IST1: variants seen among roughly 807,000 people sequenced by gnomAD.
IST1 encodes IST1 factor associated with ESCRT-III, also known as IST1 homolog.
A neutral mutation model predicts 37.0 loss-of-function variants in IST1; 23 were observed. The ratio of observed to expected loss-of-function variants is 0.62; its 90% confidence interval spans 0.45 to 0.88. IST1 has a LOEUF of 0.88. IST1 is among the 40% of genes least tolerant of loss of function. The pLI is 0.00. For synonymous variants in IST1, 180 were observed against 161.7 expected (o/e 1.11, Z -0.86); for missense variants, 488 against 445.4 (o/e 1.10, Z -0.86).
chr16:71,901,791 TCTA>T (rs1371021128), intron 1 of IST1, among the ~76,000 whole-genome samples: 2 of 152,238 alleles, frequency 1.3e-5, no homozygotes, highest in African/African-American at 4.8e-5. Context: ...AATTAAATTT[TCTA>T]CTAATTAACA....
Position 71,917,037 on chromosome 16 carries a change from C to G in IST1, c.270-10C>G, listed in dbSNP as rs746671131. Reference sequence around the variant, plus strand: ...TAAAGAATGTTATATTAATTTTTTTCCTTGATTAGGGAACTAGATTCTGGT... The same window carrying G: ...TAAAGAATGTTATATTAATTTTTTTGCTTGATTAGGGAACTAGATTCTGGT... On this transcript the variant is annotated splice_polypyrimidine_tract_variant and intron_variant, in intron 3 of 9. Coordinates refer to ENST00000378799, the MANE Select transcript of IST1 (RefSeq NM_001270975.2). The G allele has an allele frequency of 5.7e-6, 9 of 1,571,966 alleles. No homozygotes were observed. The South Asian group carries it at 5.8e-5, about 10-fold the overall frequency.
chr16:71,926,758 A>G (rs953901613), intron 9 of IST1, among the ~76,000 whole-genome samples: 8 of 152,164 alleles, frequency 5.3e-5, no homozygotes, highest in African/African-American at 1.9e-4. Context: ...CCTTCCCTCC[A>G]GAGTCAGAGC....
rs1044912824 is a variant in IST1 at position 71,921,802 on chromosome 16, A to C, written c.552+349A>C. The C allele has an allele frequency of 1.3e-5, 3 of 235,000 alleles. No individual in the cohort carries two copies. The Admixed American group carries it at 1.5e-4, about 12-fold the overall frequency. 14.6% of individuals were successfully genotyped at this position (235,000 alleles called of 1,614,324 possible). On this transcript the variant is annotated intron_variant, in intron 6 of 9. Coordinates refer to ENST00000378799, the MANE Select transcript of IST1 (RefSeq NM_001270975.2). ...TTATTGGGTACCCACCATGTGTCTG[A>C]TAGTGCACAGAAAGCTGAGGATACA...
At chr16:71,921,770 G>A (rs577907526) in intron 6 of IST1, 14 of 271,360 alleles carry the variant, frequency 5.2e-5, no homozygotes, top group Admixed American at 3.8e-4. Flanking sequence ...AACAGTTCCC[G>A]AAACATTTAT....
intron 1 of IST1, among the ~76,000 whole-genome samples, chr16:71,898,020 A>C (rs2037014797): frequency 6.6e-6 from 1 of 152,204 alleles, no homozygotes; most frequent in African/African-American, 2.4e-5. Context: ...GTAACAAGAT[A>C]CGATGAGAAG....
At chr16:71,915,840 G>GT (rs951421555) in intron 2 of IST1, 112 bp downstream of exon 2, 59 of 655,818 alleles carry the variant, frequency 9.0e-5, no homozygotes, top group Non-Finnish European at 1.4e-4. Flanking sequence ...TTTTTTTGTT[G>GT]TTTTTGTTGA....
Position 71,928,353 on chromosome 16 carries a change from G to T in IST1, c.*540G>T, listed in dbSNP as rs1260070546. ...CCATTGTAACGGTTCCTGGAAGCTG[G>T]GCCCTCTCATTGGCATATACAGTAC... On this transcript the variant is annotated 3_prime_UTR_variant, in exon 10 of 10. Coordinates refer to ENST00000378799, the MANE Select transcript of IST1 (RefSeq NM_001270975.2). 1.2e-5 allele frequency: 2 copies of T among 165,584 alleles called. No individual in the cohort carries two copies. The highest frequency in any genetic ancestry group is 5.9e-5 in the Admixed American group (1 of 17,012). The allele number at this position is 165,584 out of a possible 1,614,324, so 10.3% of individuals were successfully genotyped here. A position where few individuals can be genotyped will look rare whatever the true frequency, so the allele number is the denominator to read the frequency against.
chr16:71,920,117 A>C (rs563899844), intron 4 of IST1, among the ~76,000 whole-genome samples: 2 of 152,322 alleles, frequency 1.3e-5, no homozygotes, highest in Non-Finnish European at 2.9e-5. Context: ...AAAAGTTTTT[A>C]AAATAGATAT....
chr16:71,926,939 CTT>C (rs2037758309), intron 9 of IST1, among the ~76,000 whole-genome samples: 1 of 152,004 alleles, frequency 6.6e-6, no homozygotes, highest in Non-Finnish European at 1.5e-5. Flanking sequence ...TTTAAAAAAA[CTT>C]TGCCCCCAAT....
At chr16:71,906,157 C>G (rs764916421) in intron 1 of IST1, among the ~76,000 whole-genome samples, 5 of 151,942 alleles carry the variant, frequency 3.3e-5, no homozygotes, top group Non-Finnish European at 7.4e-5. Context: ...GCGAGTGCCA[C>G]TGCGCCCAGC....
At chr16:71,916,045 GGTC>G (rs1235236141) in intron 2 of IST1, among the ~76,000 whole-genome samples, 1 of 152,032 alleles carries the variant, frequency 6.6e-6, no homozygotes, top group Non-Finnish European at 1.5e-5. Context: ...TGGCCAGGCT[GGTC>G]TTGCACTCAT....
At chr16:71,916,404 T>C in intron 2 of IST1, 58 bp from the exon 3 acceptor site, 1 of 1,560,138 alleles carries the variant, frequency 6.4e-7, no homozygotes, top group Non-Finnish European at 8.8e-7. Flanking sequence ...GAGATTGGCC[T>C]GTAGGCCAGA....
intron 1 of IST1, among the ~76,000 whole-genome samples, chr16:71,902,478 C>A (rs2037129917): frequency 6.6e-6 from 1 of 152,188 alleles, no homozygotes; most frequent in Non-Finnish European, 1.5e-5. Flanking sequence ...CCATGTTGGC[C>A]AACCTGGTTT....
intron 1 of IST1, among the ~76,000 whole-genome samples, chr16:71,909,993 C>T (rs949185165): frequency 6.6e-6 from 1 of 152,094 alleles, no homozygotes; most frequent in South Asian, 2.1e-4. Flanking sequence ...TAATTTCAGT[C>T]ACTACTGATA....
intron 1 of IST1, among the ~76,000 whole-genome samples, chr16:71,911,933 G>A (rs147876165): frequency 1.5e-4 from 23 of 152,016 alleles, no homozygotes; most frequent in Non-Finnish European, 3.4e-4. Context: ...GCCCGGGCTG[G>A]TCTCACTCCT....
chr16:71,925,791 A>T (rs2037727646), intron 9 of IST1, among the ~76,000 whole-genome samples: 1 of 152,008 alleles, frequency 6.6e-6, no homozygotes, highest in Non-Finnish European at 1.5e-5. Flanking sequence ...TTTCCACAAA[A>T]AATTTTTAAA....
chr16:71,913,234 A>C (rs1050178906), intron 1 of IST1, among the ~76,000 whole-genome samples: 1 of 151,740 alleles, frequency 6.6e-6, no homozygotes, highest in African/African-American at 2.4e-5. Context: ...AACAGTGCAC[A>C]AGGGTTCCAT....
intron 1 of IST1, among the ~76,000 whole-genome samples, chr16:71,907,108 A>C (rs2037240555): frequency 6.6e-6 from 1 of 151,882 alleles, no homozygotes; most frequent in Non-Finnish European, 1.5e-5. Flanking sequence ...GTCTGATTCA[A>C]GTTTGCTAAG....
chr16:71,919,226 T>G (rs180969848), intron 4 of IST1, among the ~76,000 whole-genome samples: 1 of 152,302 alleles, frequency 6.6e-6, no homozygotes, highest in East Asian at 1.9e-4. Flanking sequence ...CCCACTTCCC[T>G]TTTTCATTTC....
Sources: gnomAD v4.1 joint callset for allele counts (sites outside exome capture counted in the v4.1 genomes callset) on GRCh38, gnomAD v4.1.1 for gene constraint, MANE v1.5 for transcripts, NCBI Gene and HGNC (gene_info 2026-07-23, HGNC 2026-07-21) for gene names.